The following DPP6 variants were observed in gnomAD, a reference collection of about 807,000 sequenced individuals.
DPP6 encodes the protein dipeptidyl peptidase like 6.
In DPP6, 69 loss-of-function variants were observed where a neutral mutation model predicts 122.6. The observed-to-expected ratio is 0.56, with a 90% CI of 0.46 to 0.69. The LOEUF (loss-of-function observed/expected upper bound fraction) is 0.69, where lower values mean the gene tolerates loss of function less well. Ranked by LOEUF, DPP6 falls within the 30% of genes least tolerant of loss-of-function variation. DPP6 has a pLI of 0.00. For synonymous variants in DPP6, 418 were observed against 433.1 expected (o/e 0.97, Z 0.43); for missense variants, 928 against 1,116.9 (o/e 0.83, Z 2.41).
At chr7:154,534,872 T>A (rs144236710) in intron 3 of DPP6, among the ~76,000 whole-genome samples, 173 of 152,142 alleles carry the variant, frequency 1.1e-3, no homozygotes, top group African/African-American at 4.0e-3. Context: ...AATTAAAAAA[T>A]TTATATTGAA....
At chr7:154,029,999 C>T (rs553339952) in intron 1 of DPP6, among the ~76,000 whole-genome samples, 2 of 152,258 alleles carry the variant, frequency 1.3e-5, no homozygotes, top group South Asian at 2.1e-4. Context: ...TGTTTGAAAC[C>T]AGCCTGGGCA....
In DPP6 at chr7:153,957,890, G is replaced by A. The variant is rs140576999; in HGVS notation, c.51+70156G>A. 3.7e-4 allele frequency among the ~76,000 whole-genome samples: 56 copies of A among 152,278 alleles called. No individual in the cohort carries two copies. The East Asian group carries it at 8.3e-3, about 23-fold the overall frequency. ...GCTGCCCTAGAAAAATTGCTCGGGC[G>A]CGGTGGCTCACACCTGTAATCCCAG... On this transcript the variant is annotated intron_variant, in intron 1 of 25. Transcript: ENST00000404039.
the DPP6 span, among the ~76,000 whole-genome samples, chr7:153,871,588 C>G: frequency 6.6e-6 from 1 of 152,216 alleles, no homozygotes; most frequent in Non-Finnish European, 1.5e-5. Flanking sequence ...TTCCCTGACC[C>G]CTTGCACTTC....
intron 1 of DPP6, among the ~76,000 whole-genome samples, chr7:153,935,071 T>C (rs1329733869): frequency 6.6e-6 from 1 of 152,198 alleles, no homozygotes; most frequent in African/African-American, 2.4e-5. Flanking sequence ...GCGAATGTCC[T>C]GACATAACGC....
chr7:154,722,177 A>G (rs548027758), intron 7 of DPP6, among the ~76,000 whole-genome samples: 1 of 152,342 alleles, frequency 6.6e-6, no homozygotes, highest in Non-Finnish European at 1.5e-5. Flanking sequence ...CCTGCACAAC[A>G]GAGAAAGACC....
intron 14 of DPP6, 119 bp from the exon 15 acceptor site, chr7:154,804,796 TAC>T: frequency 7.2e-7 from 1 of 1,384,824 alleles, no homozygotes; most frequent in Non-Finnish European, 1.0e-6. Flanking sequence ...ACAGGGGAGC[TAC>T]TCCCTGCAGG....
At chr7:154,222,955 C>T (rs1800390915) in intron 1 of DPP6, among the ~76,000 whole-genome samples, 1 of 148,860 alleles carries the variant, frequency 6.7e-6, no homozygotes, top group Non-Finnish European at 1.5e-5. Context: ...ACCCTGACAC[C>T]CCTTCCGTAA....
chr7:154,587,561 C>T, intron 5 of DPP6: 3 of 1,423,134 alleles, frequency 2.1e-6, no homozygotes, highest in South Asian at 2.9e-5. Flanking sequence ...TCTCGATCCC[C>T]AACTTCCCAT....
chr7:153,845,528 T>G, the DPP6 span, among the ~76,000 whole-genome samples: 4 of 151,982 alleles, frequency 2.6e-5, no homozygotes, highest in Non-Finnish European at 4.4e-5. Context: ...AAATCTAGAT[T>G]TTTTTTACAT....
chr7:153,765,795 G>A, the DPP6 span, among the ~76,000 whole-genome samples: 8 of 152,150 alleles, frequency 5.3e-5, no homozygotes, highest in East Asian at 1.9e-4. Flanking sequence ...TTTACACACC[G>A]TACTGCAATT....
the DPP6 span, among the ~76,000 whole-genome samples, chr7:153,772,992 A>G: frequency 2.4e-4 from 30 of 123,764 alleles, no homozygotes; most frequent in South Asian, 7.7e-3. Flanking sequence ...TTATATAATA[A>G]TATATAAAAG....
At chr7:154,205,191 A>G (rs1377104395) in intron 1 of DPP6, among the ~76,000 whole-genome samples, 5 of 151,940 alleles carry the variant, frequency 3.3e-5, no homozygotes, top group Admixed American at 3.3e-4. Flanking sequence ...ATTCACATGC[A>G]CTTACAGGAA....
chr7:154,194,709 G>A (rs1041672179), intron 1 of DPP6, among the ~76,000 whole-genome samples: 8 of 152,146 alleles, frequency 5.3e-5, no homozygotes, highest in Non-Finnish European at 7.4e-5. Context: ...GGTTTCGTTC[G>A]CACTTGCCTA....
At chr7:154,785,008 G>A (rs1415662743) in intron 10 of DPP6, among the ~76,000 whole-genome samples, 2 of 152,250 alleles carry the variant, frequency 1.3e-5, no homozygotes, top group East Asian at 1.9e-4. Context: ...CATCTAGAGC[G>A]GCTGTGATCA....
chr7:154,687,260 T>C (rs1232579215), intron 7 of DPP6, among the ~76,000 whole-genome samples: 1 of 152,244 alleles, frequency 6.6e-6, no homozygotes, highest in Non-Finnish European at 1.5e-5. Flanking sequence ...TGAGTCTTTT[T>C]CAGTTTTCTG....
At chr7:154,449,468 C>A (rs375507753) in intron 2 of DPP6, among the ~76,000 whole-genome samples, 1 of 151,994 alleles carries the variant, frequency 6.6e-6, no homozygotes, top group East Asian at 1.9e-4. Flanking sequence ...GAAATGGGAA[C>A]CTTCTTACAT....
At chr7:154,664,001 G>C (rs143748265) in intron 6 of DPP6, among the ~76,000 whole-genome samples, 1 of 94,812 alleles carries the variant, frequency 1.1e-5, no homozygotes, top group African/African-American at 3.1e-5. Context: ...TCACCATAGC[G>C]TATTGGCCAT....
intron 1 of DPP6, among the ~76,000 whole-genome samples, chr7:154,044,829 C>T (rs910943687): frequency 6.6e-6 from 1 of 151,996 alleles, no homozygotes; most frequent in Non-Finnish European, 1.5e-5. Context: ...TTTTTTATTG[C>T]ATTGAAAAAG....
At chr7:153,889,330 G>C (rs1210432622) in intron 1 of DPP6, among the ~76,000 whole-genome samples, 1 of 152,214 alleles carries the variant, frequency 6.6e-6, no homozygotes, top group Admixed American at 6.5e-5. Flanking sequence ...AAACAGGATA[G>C]AAACGTGTAT....
Sources: allele counts gnomAD v4.1 joint callset (sites outside exome capture counted in the v4.1 genomes callset), GRCh38; gene constraint gnomAD v4.1.1; transcripts MANE v1.5; gene names NCBI Gene and HGNC (gene_info 2026-07-23, HGNC 2026-07-21).